The following TBC1D7 variants were observed in gnomAD, a reference collection of about 807,000 sequenced individuals.
TBC1D7 encodes the protein TBC1 domain family member 7.
Under a neutral mutation model 35.3 loss-of-function variants are expected in TBC1D7, and 33 were observed. That is an observed-to-expected ratio of 0.93 (90% CI 0.71 to 1.25). TBC1D7 has a LOEUF of 1.25. Ranked by LOEUF, TBC1D7 falls within the 50% of genes most tolerant of loss-of-function variation. TBC1D7 has a pLI of 0.00. For missense variants in TBC1D7, 362 were observed against 365.3 expected (o/e 0.99, Z 0.07); for synonymous variants, 135 against 129.5 (o/e 1.04, Z -0.29).
At chr6:13,317,807 G>A (rs1294485709) in intron 4 of TBC1D7, among the ~76,000 whole-genome samples, 2 of 152,246 alleles carry the variant, frequency 1.3e-5, no homozygotes, top group African/African-American at 4.8e-5. Flanking sequence ...GCCCTGTGAT[G>A]AGCACTGCTG....
chr6:13,318,381 C>A (rs550994638), intron 4 of TBC1D7, among the ~76,000 whole-genome samples: 1 of 152,176 alleles, frequency 6.6e-6, no homozygotes, highest in Non-Finnish European at 1.5e-5. Flanking sequence ...CAGCTTGGAA[C>A]ACAGACAAGC....
chr6:13,315,111 G>A, intron 5 of TBC1D7, among the ~76,000 whole-genome samples: 1 of 152,052 alleles, frequency 6.6e-6, no homozygotes, highest in Admixed American at 6.6e-5. Context: ...ACTGCAGACA[G>A]GGCAGCCAAG....
intron 5 of TBC1D7, among the ~76,000 whole-genome samples, chr6:13,310,450 C>T (rs1783111910): frequency 6.6e-6 from 1 of 151,712 alleles, no homozygotes; most frequent in African/African-American, 2.4e-5. Flanking sequence ...CCAGCCTGGC[C>T]AACATGGTGA....
rs70989849 is a variant in TBC1D7, at chr6:13,310,638, A to AC, written c.520-2894_520-2893insG. Among the ~76,000 whole-genome samples, 21 of 97,778 alleles carry AC rather than the reference A, an allele frequency of 2.1e-4. No homozygotes were observed. The East Asian group carries it at 0.011, about 49-fold the overall frequency. 64.1% of individuals were successfully genotyped at this position (97,778 alleles called of 152,430 possible). On this transcript the variant is annotated intron_variant, in intron 5 of 7. Transcript: ENST00000379300. ...GGGTGACAGAGCGAGACTCCGTCTC[A>AC]AAAAAAAAAAAAAAAGAATATTGTT... is the stretch of plus-strand genomic sequence containing the variant.
chr6:13,328,110 C>T (rs1784522675), intron 1 of TBC1D7, 186 bp downstream of exon 1: 1 of 152,148 alleles, frequency 6.6e-6, no homozygotes, highest in Non-Finnish European at 1.5e-5. Context: ...AGCTGCATGA[C>T]GATTTGGTCG....
intron 5 of TBC1D7, among the ~76,000 whole-genome samples, chr6:13,315,711 C>T (rs969248871): frequency 2.6e-5 from 4 of 152,036 alleles, no homozygotes; most frequent in Non-Finnish European, 5.9e-5. Flanking sequence ...CATGAGACTC[C>T]ATCTCAAAAA....
intron 4 of TBC1D7, among the ~76,000 whole-genome samples, chr6:13,317,904 A>C (rs2127535561): frequency 6.6e-6 from 1 of 152,370 alleles, no homozygotes; most frequent in East Asian, 1.9e-4. Flanking sequence ...TCCGAAACTT[A>C]TGTTGAAATT....
chr6:13,306,728 A>G (rs1174881240), intron 6 of TBC1D7: 1 of 343,082 alleles, frequency 2.9e-6, no homozygotes, highest in Non-Finnish European at 5.2e-6. Context: ...TCAGCACTAG[A>G]AGGAGAAAGG....
Position 13,313,215 on chromosome 6 carries a change from G to A in TBC1D7, c.519+3356C>T, listed in dbSNP as rs140422865. 4.7e-3 allele frequency among the ~76,000 whole-genome samples: 718 copies of A among 152,164 alleles called. 7 individuals are homozygous for A. Among genetic ancestry groups the A allele is most frequent in the African/African-American group, 0.016 (677 of 41,476 alleles). On this transcript the variant is annotated intron_variant, in intron 5 of 7. Coordinates refer to ENST00000379300, the MANE Select transcript of TBC1D7 (RefSeq NM_016495.6). Reference sequence around the variant, plus strand: ...GAATTAATCCCCTACAGATCCAAGAGTGACTATATACCAATAACTCTTACA... The same window carrying A: ...GAATTAATCCCCTACAGATCCAAGAATGACTATATACCAATAACTCTTACA...
At chr6:13,312,284 T>C (rs975365922) in intron 5 of TBC1D7, among the ~76,000 whole-genome samples, 12 of 152,106 alleles carry the variant, frequency 7.9e-5, no homozygotes, top group African/African-American at 2.4e-4. Context: ...GTAGAAGTAG[T>C]GGTGTTGCAG....
intron 4 of TBC1D7, chr6:13,320,312 G>A (rs73361199): frequency 0.013 from 2,143 of 162,318 alleles, 45 homozygotes; most frequent in African/African-American, 0.047. Flanking sequence ...GGTAGATTAC[G>A]TTAATATTGT....
intron 2 of TBC1D7, among the ~76,000 whole-genome samples, chr6:13,325,429 G>A (rs963303670): frequency 5.3e-5 from 8 of 152,194 alleles, no homozygotes; most frequent in African/African-American, 1.7e-4. Context: ...TTGGGAGGCT[G>A]AGGCAGGCAA....
In TBC1D7 at chr6:13,313,968, A is replaced by C. The variant is rs572919362; in HGVS notation, c.519+2603T>G. Among the ~76,000 whole-genome samples, 9 of 152,338 alleles carry C rather than the reference A, an allele frequency of 5.9e-5. No individual in the cohort carries two copies. In the South Asian group the frequency reaches 1.9e-3, roughly 32 times the overall value. ...AGTATAATACTACTTAATGTGATTA[A>C]TCCCAGCACTTTGGGAGGCCGAGGG... On this transcript the variant is annotated intron_variant, in intron 5 of 7. Transcript: ENST00000379300.
At chr6:13,320,780 G>A (rs769089724) in intron 4 of TBC1D7, 128 bp downstream of exon 4, 3 of 875,400 alleles carry the variant, frequency 3.4e-6, no homozygotes, top group Non-Finnish European at 5.8e-6. Context: ...GTAAAGATGT[G>A]TCACTTTTAT....
intron 5 of TBC1D7, 141 bp from the exon 6 acceptor site, chr6:13,307,886 T>C (rs1208031227): frequency 2.2e-6 from 2 of 909,272 alleles, no homozygotes; most frequent in Non-Finnish European, 3.3e-6. Flanking sequence ...CCAAGTCACT[T>C]GTGACACAGC....
chr6:13,311,398 C>T (rs1204218555), intron 5 of TBC1D7, among the ~76,000 whole-genome samples: 1 of 152,188 alleles, frequency 6.6e-6, no homozygotes, highest in Non-Finnish European at 1.5e-5. Flanking sequence ...GCAGAATAGA[C>T]ATATCACCAC....
Position 13,307,591 on chromosome 6 carries a change from C to T in TBC1D7, c.665+9G>A, listed in dbSNP as rs757619784. 2 of 1,613,964 alleles carry T rather than the reference C, an allele frequency of 1.2e-6. No homozygotes were observed. The highest frequency in any genetic ancestry group is 2.2e-5 in the East Asian group (1 of 44,882). On this transcript the variant is annotated intron_variant, in intron 6 of 7. Coordinates refer to ENST00000379300, the MANE Select transcript of TBC1D7 (RefSeq NM_016495.6). ...AAGCCTTCAATATGTCTTCGAAAGACCTACTTGCCTCTGTAAACTGGATTC... is the reference window on the plus strand; with the variant it reads ...AAGCCTTCAATATGTCTTCGAAAGATCTACTTGCCTCTGTAAACTGGATTC...
At chr6:13,326,663 T>G (rs1784425334) in intron 2 of TBC1D7, 124 bp downstream of exon 2, 10 of 556,996 alleles carry the variant, frequency 1.8e-5, no homozygotes. Context: ...ACCATTCTGC[T>G]TCACCACATC....
chr6:13,316,302 A>G (rs1783606848), intron 5 of TBC1D7, among the ~76,000 whole-genome samples: 1 of 152,246 alleles, frequency 6.6e-6, no homozygotes, highest in South Asian at 2.1e-4. Context: ...CCTGCAGCAG[A>G]GCAAATCCAG....
Sources: gnomAD v4.1 joint callset for allele counts (sites outside exome capture counted in the v4.1 genomes callset) on GRCh38, gnomAD v4.1.1 for gene constraint, MANE v1.5 for transcripts, NCBI Gene and HGNC (gene_info 2026-07-23, HGNC 2026-07-21) for gene names.